Variants in CDH4 observed in about 807,000 individuals in gnomAD.
The protein encoded by CDH4 is cadherin 4.
A neutral mutation model predicts 86.0 loss-of-function variants in CDH4; 33 were observed. The ratio of observed to expected loss-of-function variants is 0.38; its 90% CI spans 0.29 to 0.51. CDH4 has a LOEUF of 0.51. Ranked by LOEUF, CDH4 falls within the 20% of genes least tolerant of loss-of-function variation. The pLI is 0.86. For synonymous variants in CDH4, 555 were observed against 549.4 expected (o/e 1.01, Z -0.14); for missense variants, 1,114 against 1,307.4 (o/e 0.85, Z 2.28).
chr20:61,693,214 T>C (rs2087678336), intron 2 of CDH4, among the ~76,000 whole-genome samples: 1 of 152,194 alleles, frequency 6.6e-6, no homozygotes, highest in South Asian at 2.1e-4. Flanking sequence ...ACTCCAGGCC[T>C]GTCCCTGATG....
intron 6 of CDH4, among the ~76,000 whole-genome samples, chr20:61,868,202 AG>A (rs767554481): frequency 1.3e-5 from 2 of 152,116 alleles, no homozygotes; most frequent in Non-Finnish European, 2.9e-5. Flanking sequence ...GGGGGTGCAG[AG>A]GGGGTTCGTC....
chr20:61,904,258 C>T (rs1424320873), intron 8 of CDH4, among the ~76,000 whole-genome samples: 2 of 152,268 alleles, frequency 1.3e-5, no homozygotes, highest in South Asian at 2.1e-4. Context: ...CCAGGGGCTG[C>T]GGCTCTCTCG....
intron 2 of CDH4, among the ~76,000 whole-genome samples, chr20:61,475,352 C>T (rs975108576): frequency 4.0e-5 from 6 of 150,776 alleles, no homozygotes; most frequent in African/African-American, 1.5e-4. Context: ...TCTGATCCAG[C>T]AAAAATGACA....
chr20:61,634,623 G>GC (rs1164743545), intron 2 of CDH4, among the ~76,000 whole-genome samples: 2 of 152,224 alleles, frequency 1.3e-5, no homozygotes, highest in Non-Finnish European at 2.9e-5. Flanking sequence ...CTCCTGGGCC[G>GC]CCCCAGCCCG....
In CDH4 at chr20:61,902,131, C is replaced by T. The variant is rs542220074; in HGVS notation, c.1188+7084C>T. Reference sequence around the variant, plus strand: ...CAACTGATGGAAATTCAAACCATGACGTGTTCAGTCCTTGGAGTTCCAGAA... The same window carrying T: ...CAACTGATGGAAATTCAAACCATGATGTGTTCAGTCCTTGGAGTTCCAGAA... On this transcript the variant is annotated intron_variant, in intron 8 of 15. Coordinates refer to ENST00000614565, the MANE Select transcript of CDH4 (RefSeq NM_001794.5). The surrounding 1 kb of genome is among the most constrained non-coding windows in gnomAD (Gnocchi z 4.6). 1.4e-4 allele frequency among the ~76,000 whole-genome samples: 22 copies of T among 152,336 alleles called. No individual in the cohort carries two copies. Among genetic ancestry groups the T allele is most frequent in the African/African-American group, 3.8e-4 (16 of 41,572 alleles).
chr20:61,586,581 C>A lies in CDH4; in HGVS notation c.170-156982C>A, dbSNP rs567839763. ...GCCCACCCAGGTCTTAGCACATTTTCTGAAGGAAAATTAAGCAGCATTTGA... is the reference window on the plus strand; with the variant it reads ...GCCCACCCAGGTCTTAGCACATTTTATGAAGGAAAATTAAGCAGCATTTGA... On this transcript the variant is annotated intron_variant, in intron 2 of 15. Coordinates refer to ENST00000614565, the MANE Select transcript of CDH4 (RefSeq NM_001794.5). Among the ~76,000 whole-genome samples the A allele has an allele frequency of 2.6e-5, 4 of 152,308 alleles. No homozygotes were observed. The East Asian group carries it at 7.7e-4, about 29-fold the overall frequency.
At chr20:61,872,342 C>A (rs1454628716) in intron 6 of CDH4, among the ~76,000 whole-genome samples, 2 of 152,122 alleles carry the variant, frequency 1.3e-5, no homozygotes, top group Non-Finnish European at 2.9e-5. Context: ...AGGGCCAGGA[C>A]GGGGCTTTGG....
chr20:61,478,390 A>C (rs1442651026), intron 2 of CDH4, among the ~76,000 whole-genome samples: 1 of 149,742 alleles, frequency 6.7e-6, no homozygotes, highest in African/African-American at 2.4e-5. Flanking sequence ...CTTGTGGAGC[A>C]ATGAGGTTTC....
intron 2 of CDH4, among the ~76,000 whole-genome samples, chr20:61,486,550 T>C (rs2085597640): frequency 6.6e-6 from 1 of 152,210 alleles, no homozygotes; most frequent in South Asian, 2.1e-4. Flanking sequence ...TCGTTGGAAA[T>C]AAAACACTTG....
In CDH4 at chr20:61,582,832, C is replaced by T. The variant is rs1401582267; in HGVS notation, c.170-160731C>T. Among the ~76,000 whole-genome samples the T allele has an allele frequency of 6.6e-6, 1 of 152,194 alleles. No homozygotes were observed. The highest frequency in any genetic ancestry group is 1.5e-5 in the Non-Finnish European group (1 of 68,034). On this transcript the variant is annotated intron_variant, in intron 2 of 15. Transcript: ENST00000614565. The surrounding 1 kb of genome is among the most constrained non-coding windows in gnomAD (Gnocchi z 4.2). Reference sequence around the variant, plus strand: ...CACTCATCTAAGCTGTGCAAATCAACGATGTCTACATTCAGAGTTGTGCAG... The same window carrying T: ...CACTCATCTAAGCTGTGCAAATCAATGATGTCTACATTCAGAGTTGTGCAG...
intron 2 of CDH4, among the ~76,000 whole-genome samples, chr20:61,301,755 A>G (rs2084387500): frequency 6.6e-6 from 1 of 152,234 alleles, no homozygotes; most frequent in Admixed American, 6.5e-5. Flanking sequence ...TGAGAATCGA[A>G]TCTGCATTGG....
chr20:61,896,521 CTAGGTGCTCCCCCA>C (rs1196024675), intron 8 of CDH4, among the ~76,000 whole-genome samples: 1 of 152,148 alleles, frequency 6.6e-6, no homozygotes, highest in East Asian at 1.9e-4. Context: ...CAGGGGGGCT[CTAGGTGCTCCCCCA>C]GGCTCCTGGC....
intron 2 of CDH4, among the ~76,000 whole-genome samples, chr20:61,658,253 C>T (rs2087213507): frequency 6.6e-6 from 1 of 152,088 alleles, no homozygotes; most frequent in African/African-American, 2.4e-5. Context: ...GGCTCCATCG[C>T]ACCTGCAACC....
At chr20:61,340,649 A>G (rs529052869) in intron 2 of CDH4, among the ~76,000 whole-genome samples, 163 of 151,298 alleles carry the variant, frequency 1.1e-3, no homozygotes, top group Middle Eastern at 3.4e-3. Context: ...CAGTGGCATG[A>G]TCACGGCTCA....
chr20:61,332,920 G>A (rs537893655), intron 2 of CDH4, among the ~76,000 whole-genome samples: 7 of 152,194 alleles, frequency 4.6e-5, no homozygotes, highest in East Asian at 1.9e-4. Flanking sequence ...GGAGGCTGAC[G>A]CGCCCTTGCC....
intron 2 of CDH4, among the ~76,000 whole-genome samples, chr20:61,567,411 A>G (rs1024954217): frequency 1.3e-5 from 2 of 152,184 alleles, no homozygotes; most frequent in Admixed American, 6.5e-5. Context: ...TTCCTCATTC[A>G]TAGCTGGTGC....
intron 2 of CDH4, among the ~76,000 whole-genome samples, chr20:61,365,011 C>T (rs1359432770): frequency 6.6e-6 from 1 of 152,142 alleles, no homozygotes; most frequent in Non-Finnish European, 1.5e-5. Flanking sequence ...TGCCCTAGAC[C>T]ACATGTACCA....
chr20:61,592,343 A>C (rs2086524395), intron 2 of CDH4, among the ~76,000 whole-genome samples: 1 of 152,200 alleles, frequency 6.6e-6, no homozygotes, highest in Non-Finnish European at 1.5e-5. Context: ...GCAAGAGGAA[A>C]ACTGGGCACT....
rs1981506425 is a variant in CDH4 at position 61,829,760 on chromosome 20, A to C, written c.577-14908A>C. 6.6e-6 allele frequency among the ~76,000 whole-genome samples: 1 copy of C among 152,072 alleles called. No individual in the cohort carries two copies. Among genetic ancestry groups the C allele is most frequent in the East Asian group, 1.9e-4 (1 of 5,154 alleles). ...GTGGGTGACTGTGGGACCCTTGCTC[A>C]GCCTCCAGCTTTGGGGCTGATGGCT... On this transcript the variant is annotated intron_variant, in intron 4 of 15. Transcript: ENST00000614565. The surrounding 1 kb of genome is among the most constrained non-coding windows in gnomAD (Gnocchi z 4.2).
Sources: allele counts gnomAD v4.1 joint callset (sites outside exome capture counted in the v4.1 genomes callset), GRCh38; gene constraint gnomAD v4.1.1; non-coding constraint Gnocchi (gnomAD v3.1); transcripts MANE v1.5; gene names NCBI Gene and HGNC (gene_info 2026-07-23, HGNC 2026-07-21).